KIAA1217: variants seen among roughly 807,000 people sequenced by gnomAD.
KIAA1217 encodes the protein KIAA1217, also known as sickle tail protein homolog.
A neutral mutation model predicts 163.9 loss-of-function variants in KIAA1217; 88 were observed. That is an observed-to-expected ratio of 0.54 (90% CI 0.45 to 0.64). The LOEUF (loss-of-function observed/expected upper bound fraction) is 0.64. KIAA1217 is among the 30% of genes least tolerant of loss of function. The pLI is 0.00. For missense variants in KIAA1217, 2,372 were observed against 2,475.0 expected (o/e 0.96, Z 0.88); for synonymous variants, 903 against 923.1 (o/e 0.98, Z 0.39).
In KIAA1217 at chr10:24,433,065, C is replaced by A. The variant is rs768041614; in HGVS notation, c.624C>A (p.Asp208Glu). ...LRMPNEITSA[D>E]TIRALFVSAF... ...TGCCGAATGAAATCACAAGTGCAGA[C>A]ACAATCCGTGCTCTCTTCGTAAGTG... The change falls in exon 4 of 21, where the codon GAC (aspartate) becomes GAA (glutamate). Residue 208 changes from aspartate to glutamate, a missense_variant. Physicochemically the swap from Asp to Glu is conservative, Grantham distance 45. Coordinates refer to ENST00000376454, the MANE Select transcript of KIAA1217 (RefSeq NM_019590.5). 1 of 1,614,120 alleles carries A rather than the reference C, an allele frequency of 6.2e-7. No homozygotes were observed. The highest frequency in any genetic ancestry group is 2.2e-5 in the East Asian group (1 of 44,852).
chr10:24,192,758 G>A (rs910281265), intron 2 of KIAA1217, among the ~76,000 whole-genome samples: 1 of 152,296 alleles, frequency 6.6e-6, no homozygotes, highest in South Asian at 2.1e-4. Context: ...AAGACCTTGG[G>A]AAGATTATGT....
chr10:23,793,258 G>C (rs192681568), intron 1 of KIAA1217, among the ~76,000 whole-genome samples: 69 of 152,300 alleles, frequency 4.5e-4, no homozygotes, highest in African/African-American at 1.6e-3. Flanking sequence ...AGTGAGTGGA[G>C]AGGACCCAGA....
chr10:23,762,371 T>A (rs7904141), intron 1 of KIAA1217, among the ~76,000 whole-genome samples: 49,578 of 151,172 alleles, frequency 0.33, 10,045 homozygotes, highest in African/African-American at 0.57. Context: ...GAAATCCTCA[T>A]TAACGGGCAA....
At chr10:24,496,893 C>T (rs1254674876) in intron 8 of KIAA1217, among the ~76,000 whole-genome samples, 4 of 152,288 alleles carry the variant, frequency 2.6e-5, no homozygotes, top group Middle Eastern at 3.4e-3. Context: ...AAAGTGGAAT[C>T]GGTGGGTCCA....
At chr10:24,526,530 C>A (rs1024973862) in intron 13 of KIAA1217, among the ~76,000 whole-genome samples, 1 of 152,144 alleles carries the variant, frequency 6.6e-6, no homozygotes, top group Non-Finnish European at 1.5e-5. Context: ...TGTTGAGAAC[C>A]TAGTGGGCAT....
chr10:23,971,481 C>T (rs1845315908), intron 1 of KIAA1217, among the ~76,000 whole-genome samples: 1 of 152,152 alleles, frequency 6.6e-6, no homozygotes, highest in African/African-American at 2.4e-5. Flanking sequence ...ACCTCCTCTG[C>T]CCTGTTCATG....
At chr10:23,851,549 A>T (rs1839322261) in intron 1 of KIAA1217, among the ~76,000 whole-genome samples, 1 of 152,150 alleles carries the variant, frequency 6.6e-6, no homozygotes, top group Non-Finnish European at 1.5e-5. Context: ...GGCTGGGTCA[A>T]ATGGTATTTC....
rs775800594 is a variant in KIAA1217, at chr10:24,521,844, C to T, written c.2371C>T (p.Arg791Trp). 3 of 1,613,628 alleles carry T rather than the reference C, an allele frequency of 1.9e-6. No individual in the cohort carries two copies. Among genetic ancestry groups the T allele is most frequent in the Non-Finnish European group, 1.7e-6 (2 of 1,179,988 alleles). The change falls in exon 12 of 21, where the codon CGG becomes TGG. Residue 791 changes from arginine (R) to tryptophan (W), a missense_variant. By Grantham distance (101) the Arg-to-Trp change is moderately radical. Around this residue, in one of 3 missense-constraint regions of KIAA1217, gnomAD observed 1,431 missense variants for 1,470.3 expected, o/e 0.97. Coordinates refer to ENST00000376454, the MANE Select transcript of KIAA1217 (RefSeq NM_019590.5). ...CCTGCGCATAGAAGTGGAGGCCGTGCGGTTTCTGAAGGAGGAGCCACACAA... is the reference window on the plus strand; with the variant it reads ...CCTGCGCATAGAAGTGGAGGCCGTGTGGTTTCTGAAGGAGGAGCCACACAA... ...AILRIEVEAV[R>W]FLKEEPHKLD... is the part of the protein sequence containing the mutation.
chr10:24,313,381 C>T (rs149113515), intron 2 of KIAA1217, among the ~76,000 whole-genome samples: 81 of 152,152 alleles, frequency 5.3e-4, no homozygotes, highest in African/African-American at 1.6e-3. Flanking sequence ...AGTAGCCTGG[C>T]GATTAAATGT....
intron 2 of KIAA1217, among the ~76,000 whole-genome samples, chr10:24,332,851 G>A (rs2045862235): frequency 6.6e-6 from 1 of 152,140 alleles, no homozygotes; most frequent in South Asian, 2.1e-4. Flanking sequence ...TAACCTGCAA[G>A]ATGGCAGGAA....
At chr10:23,991,717 T>C (rs1846227648) in intron 1 of KIAA1217, among the ~76,000 whole-genome samples, 1 of 152,098 alleles carries the variant, frequency 6.6e-6, no homozygotes, top group Non-Finnish European at 1.5e-5. Flanking sequence ...TGACGTACGA[T>C]ATAATTACAT....
chr10:24,464,324 T>G (rs1399419293), intron 5 of KIAA1217, among the ~76,000 whole-genome samples: 6 of 152,162 alleles, frequency 3.9e-5, no homozygotes, highest in African/African-American at 1.4e-4. Context: ...TGGAGCATTT[T>G]GAAAGTGAAA....
At chr10:24,244,975 T>G (rs995206494) in intron 2 of KIAA1217, among the ~76,000 whole-genome samples, 1 of 152,140 alleles carries the variant, frequency 6.6e-6, no homozygotes, top group African/African-American at 2.4e-5. Context: ...AGAGCCAATG[T>G]GAAATATTAT....
chr10:24,059,520 A>T (rs2060641112), intron 2 of KIAA1217, among the ~76,000 whole-genome samples: 1 of 151,982 alleles, frequency 6.6e-6, no homozygotes, highest in Non-Finnish European at 1.5e-5. Context: ...TTTTGTTAAG[A>T]GGTTTTTGAT....
At chr10:23,964,763 G>C (rs944099408) in intron 1 of KIAA1217, among the ~76,000 whole-genome samples, 5 of 151,876 alleles carry the variant, frequency 3.3e-5, no homozygotes, top group Non-Finnish European at 7.4e-5. Context: ...CACCTTGTTG[G>C]CCAGGATGGT....
intron 1 of KIAA1217, among the ~76,000 whole-genome samples, chr10:23,974,891 C>G (rs1045835605): frequency 6.6e-5 from 10 of 151,806 alleles, no homozygotes; most frequent in African/African-American, 1.5e-4. Context: ...CTTCCCCCCC[C>G]CATAGATAGG....
intron 1 of KIAA1217, among the ~76,000 whole-genome samples, chr10:23,775,829 A>G (rs1335549853): frequency 2.6e-5 from 4 of 152,222 alleles, no homozygotes; most frequent in Admixed American, 2.0e-4. Context: ...TTGTACTGCA[A>G]GACATTTCCA....
intron 1 of KIAA1217, among the ~76,000 whole-genome samples, chr10:23,753,815 T>C (rs1564392489): frequency 6.6e-6 from 1 of 152,236 alleles, no homozygotes; most frequent in Non-Finnish European, 1.5e-5. Context: ...CTGTGATTTT[T>C]AAACATCTAT....
chr10:23,902,428 A>G (rs1841994987), intron 1 of KIAA1217, among the ~76,000 whole-genome samples: 1 of 152,086 alleles, frequency 6.6e-6, no homozygotes, highest in African/African-American at 2.4e-5. Context: ...TGGATGGGCC[A>G]CAAATTCATC....
Sources: allele counts gnomAD v4.1 joint callset (sites outside exome capture counted in the v4.1 genomes callset), GRCh38; gene constraint gnomAD v4.1.1; regional missense constraint gnomAD v4.1.1; transcripts MANE v1.5; gene names NCBI Gene and HGNC (gene_info 2026-07-23, HGNC 2026-07-21).